The following SNX18 variants were observed in gnomAD, a reference collection of about 807,000 sequenced individuals.
SNX18 encodes sorting nexin-18.
In SNX18, 35 loss-of-function variants were observed where a neutral mutation model predicts 48.7. That is an observed-to-expected ratio of 0.72 (90% CI 0.55 to 0.95). SNX18 has a LOEUF of 0.95. Ranked by LOEUF, SNX18 falls within the 40% of genes least tolerant of loss-of-function variation. SNX18 has a pLI of 0.00. For synonymous variants in SNX18, 492 were observed against 384.7 expected, an observed-to-expected ratio of 1.28 and a Z score of -3.26; for missense variants, 824 against 871.0, an observed-to-expected ratio of 0.95 and a Z score of 0.68.
chr5:54,635,674 G>T, the SNX18 span, among the ~76,000 whole-genome samples: 1 of 152,200 alleles, frequency 6.6e-6, no homozygotes. Flanking sequence ...TCTCAGCAGA[G>T]ATCTTTCAGG....
the SNX18 span, among the ~76,000 whole-genome samples, chr5:54,589,940 C>T: frequency 2.6e-5 from 4 of 152,194 alleles, no homozygotes; most frequent in African/African-American, 9.6e-5. Context: ...CAGGCACACA[C>T]AACCATGACC....
the SNX18 span, among the ~76,000 whole-genome samples, chr5:54,588,441 C>T: frequency 2.5e-4 from 38 of 150,156 alleles, no homozygotes; most frequent in Non-Finnish European, 5.3e-4. Flanking sequence ...CATTCTCCTG[C>T]CTCAGCCTCC....
the SNX18 span, among the ~76,000 whole-genome samples, chr5:54,637,802 CATACT>C: frequency 2.6e-5 from 4 of 152,182 alleles, no homozygotes; most frequent in Non-Finnish European, 5.9e-5. Flanking sequence ...CTGGAGGGGC[CATACT>C]CTACATGACC....
the SNX18 span, among the ~76,000 whole-genome samples, chr5:54,624,444 G>T: frequency 6.6e-6 from 1 of 152,288 alleles, no homozygotes; most frequent in East Asian, 1.9e-4. Flanking sequence ...TATTTACCAT[G>T]AGCCAGGTAT....
At chr5:54,593,568 C>T in the SNX18 span, among the ~76,000 whole-genome samples, 1 of 152,112 alleles carries the variant, frequency 6.6e-6, no homozygotes, top group Non-Finnish European at 1.5e-5. Flanking sequence ...TATGAAAATA[C>T]AAAGAACCTG....
At chr5:54,622,330 C>G in the SNX18 span, among the ~76,000 whole-genome samples, 28 of 152,202 alleles carry the variant, frequency 1.8e-4, no homozygotes, top group African/African-American at 6.3e-4. Flanking sequence ...GAAATCCCAT[C>G]TCTACAAAAA....
At chr5:54,567,729 A>G in the SNX18 span, among the ~76,000 whole-genome samples, 2 of 152,190 alleles carry the variant, frequency 1.3e-5, no homozygotes, top group African/African-American at 2.4e-5. Context: ...GTTTAACAGA[A>G]GTGGCCATGG....
downstream of SNX18, among the ~76,000 whole-genome samples, chr5:54,551,459 G>A (rs1717667756): frequency 6.6e-6 from 1 of 152,156 alleles, no homozygotes; most frequent in Admixed American, 6.5e-5. Context: ...GATCACTTTT[G>A]TGATGGCATT....
At chr5:54,526,935 G>A (rs1251857084) in intron 1 of SNX18, among the ~76,000 whole-genome samples, 1 of 151,918 alleles carries the variant, frequency 6.6e-6, no homozygotes, top group Non-Finnish European at 1.5e-5. Context: ...CTGGAGTCAG[G>A]AGAGTCGTCC....
the SNX18 span, among the ~76,000 whole-genome samples, chr5:54,596,183 A>G: frequency 6.6e-6 from 1 of 152,200 alleles, no homozygotes. Context: ...AAATGCAAAT[A>G]TCTGTGACAA....
chr5:54,601,200 T>C, the SNX18 span, among the ~76,000 whole-genome samples: 1 of 150,402 alleles, frequency 6.6e-6, no homozygotes, highest in Non-Finnish European at 1.5e-5. Context: ...TGTGGTAGTA[T>C]AAATATCCTG....
At chr5:54,594,485 C>T in the SNX18 span, among the ~76,000 whole-genome samples, 1 of 152,142 alleles carries the variant, frequency 6.6e-6, no homozygotes, top group Non-Finnish European at 1.5e-5. Flanking sequence ...GGAGTCTTCT[C>T]ACTGTTCTCT....
chr5:54,632,842 T>C, the SNX18 span, among the ~76,000 whole-genome samples: 238 of 152,204 alleles, frequency 1.6e-3, 2 homozygotes, highest in African/African-American at 5.3e-3. Flanking sequence ...GGCGAAACCT[T>C]GCCTTACTGC....
At chr5:54,560,262 G>A in the SNX18 span, among the ~76,000 whole-genome samples, 1 of 152,194 alleles carries the variant, frequency 6.6e-6, no homozygotes, top group South Asian at 2.1e-4. Context: ...TAAAGAAAAT[G>A]TTGTACATAC....
chr5:54,571,900 T>C, the SNX18 span, among the ~76,000 whole-genome samples: 1 of 152,148 alleles, frequency 6.6e-6, no homozygotes, highest in Non-Finnish European at 1.5e-5. Flanking sequence ...CCCCTGTAAA[T>C]GATAGTGAAT....
downstream of SNX18, chr5:54,546,697 C>T (rs2564995): frequency 0.98 from 149,442 of 152,350 alleles, 73,297 homozygotes; most frequent in East Asian, 1. Flanking sequence ...GCTTCATCTG[C>T]AGTTACCATA....
At chr5:54,560,683 A>G in the SNX18 span, among the ~76,000 whole-genome samples, 2 of 152,214 alleles carry the variant, frequency 1.3e-5, no homozygotes, top group Non-Finnish European at 2.9e-5. Context: ...TTATAAACTA[A>G]ATCACTTTGT....
At chr5:54,587,009 C>A in the SNX18 span, among the ~76,000 whole-genome samples, 4 of 148,198 alleles carry the variant, frequency 2.7e-5, no homozygotes, top group Admixed American at 6.7e-5. Context: ...TTTTCCTGAG[C>A]AGCCCCTCTT....
the SNX18 span, among the ~76,000 whole-genome samples, chr5:54,566,246 C>G: frequency 2.0e-5 from 3 of 152,162 alleles, no homozygotes; most frequent in Non-Finnish European, 2.9e-5. Flanking sequence ...TATAAACAGC[C>G]TGAGTTCAAA....
Sources: allele counts gnomAD v4.1 joint callset (sites outside exome capture counted in the v4.1 genomes callset), GRCh38; gene constraint gnomAD v4.1.1; transcripts MANE v1.5; gene names NCBI Gene and HGNC (gene_info 2026-07-23, HGNC 2026-07-21).